SLC22A9: variants seen among roughly 807,000 people sequenced by gnomAD.
SLC22A9 encodes the protein solute carrier family 22 member 9, also known as organic anion transporter 7.
In SLC22A9, 64 loss-of-function variants were observed where a neutral mutation model predicts 50.1. The observed-to-expected ratio is 1.28, with a 90% confidence interval of 1.04 to 1.57. SLC22A9 has a LOEUF of 1.57. SLC22A9 is among the 40% of genes most tolerant of loss of function. SLC22A9 has a pLI of 0.00. For missense variants in SLC22A9, 757 were observed against 676.1 expected (o/e 1.12, Z -1.33); for synonymous variants, 261 against 242.5 (o/e 1.08, Z -0.71).
intron 1 of SLC22A9, 131 bp downstream of exon 1, chr11:63,370,589 C>T (rs765655200): frequency 8.3e-5 from 89 of 1,078,406 alleles, no homozygotes; most frequent in Non-Finnish European, 1.0e-4. Context: ...ATACTAATTG[C>T]TTCTTTATTA....
chr11:63,378,852 T>C (rs771434353), intron 5 of SLC22A9, among the ~76,000 whole-genome samples: 12 of 151,982 alleles, frequency 7.9e-5, no homozygotes, highest in African/African-American at 1.9e-4. Context: ...AAAGCAATGA[T>C]GAAAGAAAGC....
At chr11:63,389,871 A>T (rs2014732653) in intron 6 of SLC22A9, among the ~76,000 whole-genome samples, 1 of 152,156 alleles carries the variant, frequency 6.6e-6, no homozygotes, top group Non-Finnish European at 1.5e-5. Context: ...AATGATCACC[A>T]TTCTAACTGG....
chr11:63,396,369 C>T (rs535774526), intron 6 of SLC22A9, among the ~76,000 whole-genome samples: 68 of 152,308 alleles, frequency 4.5e-4, no homozygotes, highest in Admixed American at 2.4e-3. Flanking sequence ...AGGGCCTTTC[C>T]TGCTGCTTCC....
rs777422212 is a variant in SLC22A9 at position 63,371,153 on chromosome 11, T to A, written c.421T>A (p.Ser141Thr). Residue 141 changes from serine (S) to threonine (T), a missense_variant, in exon 2 of 10, where the codon TCT becomes ACT. By Grantham distance (58) the Ser-to-Thr change is moderately conservative. Coordinates refer to ENST00000279178, the MANE Select transcript of SLC22A9 (RefSeq NM_080866.3). ...IVTEWDLVCD[S>T]QSLTSVAKFV... is the part of the protein sequence containing the mutation. ...CTTCCAGTGGGATCTGGTATGTGACTCTCAATCACTGACTTCAGTGGCTAA... is the reference window on the plus strand; with the variant it reads ...CTTCCAGTGGGATCTGGTATGTGACACTCAATCACTGACTTCAGTGGCTAA... 6.2e-7 allele frequency: 1 copy of A among 1,613,156 alleles called. No homozygotes were observed. The highest frequency in any genetic ancestry group is 8.5e-7 in the Non-Finnish European group (1 of 1,179,340).
chr11:63,395,135 C>T (rs1045528966), intron 6 of SLC22A9, among the ~76,000 whole-genome samples: 2 of 151,582 alleles, frequency 1.3e-5, no homozygotes, highest in African/African-American at 4.9e-5. Context: ...AATATTTCTC[C>T]CTTCACTTCT....
At chr11:63,408,604 C>A (rs2015080808) in intron 8 of SLC22A9, 72 bp from the exon 9 acceptor site, 2 of 1,403,508 alleles carry the variant, frequency 1.4e-6, no homozygotes, top group East Asian at 2.3e-5. Flanking sequence ...ATAATTAGAG[C>A]AAAATGATAA....
At chr11:63,400,313 TAAAA>T (rs1052611774) in intron 6 of SLC22A9, among the ~76,000 whole-genome samples, 4 of 151,794 alleles carry the variant, frequency 2.6e-5, no homozygotes, top group African/African-American at 9.7e-5. Flanking sequence ...AAATTGAAGA[TAAAA>T]AAGAGATATT....
chr11:63,387,507 A>G (rs1394774111), intron 6 of SLC22A9, among the ~76,000 whole-genome samples: 2 of 151,838 alleles, frequency 1.3e-5, no homozygotes, highest in Non-Finnish European at 2.9e-5. Context: ...CTAAGCATAC[A>G]CTGATCTATG....
chr11:63,373,940 G>T lies in SLC22A9; in HGVS notation c.708G>T (p.Leu236Phe), dbSNP rs1287610683. The change falls in exon 4 of 10, where the codon TTG becomes TTT. Residue 236 changes from leucine to phenylalanine, a missense_variant. Leu to Phe is a conservative substitution (Grantham distance 22). Coordinates refer to ENST00000279178, the MANE Select transcript of SLC22A9 (RefSeq NM_080866.3). ...THRFQAMGIT[L>F]GMCPSGIAFM... is the part of the protein sequence containing the mutation. ...GATTCCAGGCCATGGGAATTACATTGGGAATGTGCCCTTCTGGTATTGCAT... is the reference window on the plus strand; with the variant it reads ...GATTCCAGGCCATGGGAATTACATTTGGAATGTGCCCTTCTGGTATTGCAT... The T allele has an allele frequency of 1.2e-6, 2 of 1,613,686 alleles. No individual in the cohort carries two copies. Among genetic ancestry groups the T allele is most frequent in the African/African-American group, 2.7e-5 (2 of 75,026 alleles).
At chr11:63,388,053 T>A (rs2014699662) in intron 6 of SLC22A9, among the ~76,000 whole-genome samples, 1 of 152,124 alleles carries the variant, frequency 6.6e-6, no homozygotes, top group African/African-American at 2.4e-5. Flanking sequence ...ATTTCTTGTT[T>A]CTAATAGCTT....
Position 63,410,171 on chromosome 11 carries a change from G to T in SLC22A9, c.*309G>T, listed in dbSNP as rs7950326. 0.015 allele frequency: 2,638 copies of T among 170,662 alleles called. 81 individuals carry two copies. Among genetic ancestry groups the T allele is most frequent in the African/African-American group, 0.063 (2,511 of 40,164 alleles). 10.6% of individuals were successfully genotyped at this position (170,662 alleles called of 1,614,324 possible). A position where few individuals can be genotyped will look rare whatever the true frequency, so the allele number is the denominator to read the frequency against. ...GCAGGAGAATTACTTGAACCCAGGA[G>T]GTGGAAATTGCAATGAGCCAAGATT... On this transcript the variant is annotated 3_prime_UTR_variant, in exon 10 of 10. Transcript: ENST00000279178.
Position 63,386,619 on chromosome 11 carries a change from T to G in SLC22A9, c.1073+4342T>G, listed in dbSNP as rs188952044. On this transcript the variant is annotated intron_variant, in intron 6 of 9. Transcript: ENST00000279178. ...TTCTAGTTTATTTACATAGAGGTGTTTATTGTATCCTCTGATGGTAGTTTG... is the reference window on the plus strand; with the variant it reads ...TTCTAGTTTATTTACATAGAGGTGTGTATTGTATCCTCTGATGGTAGTTTG... 6.3e-4 allele frequency among the ~76,000 whole-genome samples: 96 copies of G among 151,822 alleles called. 2 individuals are homozygous for G. The East Asian group carries it at 0.012, about 19-fold the overall frequency.
rs80034352 is a variant in SLC22A9 at position 63,373,938 on chromosome 11, T to A, written c.706T>A (p.Leu236Met). Residue 236 changes from leucine to methionine, a missense_variant, in exon 4 of 10, where the codon TTG becomes ATG. By Grantham distance (15) the Leu-to-Met change is conservative. Coordinates refer to ENST00000279178, the MANE Select transcript of SLC22A9 (RefSeq NM_080866.3). ...CAGATTCCAGGCCATGGGAATTACATTGGGAATGTGCCCTTCTGGTATTGC... is the reference window on the plus strand; with the variant it reads ...CAGATTCCAGGCCATGGGAATTACAATGGGAATGTGCCCTTCTGGTATTGC... ...THRFQAMGITLGMCPSGIAFM... is the reference protein window; with the variant it reads ...THRFQAMGITMGMCPSGIAFM... The A allele has an allele frequency of 6.2e-6, 10 of 1,613,574 alleles. No homozygotes were observed. The highest frequency in any genetic ancestry group is 1.1e-5 in the South Asian group (1 of 91,072).
intron 6 of SLC22A9, among the ~76,000 whole-genome samples, chr11:63,385,855 C>A (rs981847505): frequency 5.9e-5 from 9 of 152,116 alleles, no homozygotes; most frequent in Non-Finnish European, 1.3e-4. Context: ...TGAAAGAGGG[C>A]ATCTTTGTCT....
intron 6 of SLC22A9, among the ~76,000 whole-genome samples, chr11:63,391,549 A>G: frequency 1.3e-5 from 2 of 152,128 alleles, no homozygotes; most frequent in Middle Eastern, 6.8e-3. Context: ...TTAGCTCTTA[A>G]TCATTATATA....
At chr11:63,400,298 A>G (rs1230769133) in intron 6 of SLC22A9, among the ~76,000 whole-genome samples, 1 of 152,068 alleles carries the variant, frequency 6.6e-6, no homozygotes. Context: ...AAACAAAAAT[A>G]AATCAAATTG....
At chr11:63,400,139 T>C (rs569815357) in intron 6 of SLC22A9, among the ~76,000 whole-genome samples, 1 of 151,302 alleles carries the variant, frequency 6.6e-6, no homozygotes, top group South Asian at 2.1e-4. Flanking sequence ...CAACAACAAA[T>C]GAAACCCAAA....
intron 6 of SLC22A9, among the ~76,000 whole-genome samples, chr11:63,392,701 T>C (rs2014785099): frequency 6.6e-6 from 1 of 152,054 alleles, no homozygotes; most frequent in Admixed American, 6.6e-5. Flanking sequence ...CTTGAGGAAG[T>C]CTCTTTTTTT....
chr11:63,408,260 A>T (rs2015074749), intron 8 of SLC22A9, 40 bp downstream of exon 8: 1 of 1,498,286 alleles, frequency 6.7e-7, no homozygotes, highest in Non-Finnish European at 9.3e-7. Flanking sequence ...TTCAAAATGG[A>T]CCTTTCTCAG....
Sources: allele counts gnomAD v4.1 joint callset (sites outside exome capture counted in the v4.1 genomes callset), GRCh38; gene constraint gnomAD v4.1.1; transcripts MANE v1.5; gene names NCBI Gene and HGNC (gene_info 2026-07-23, HGNC 2026-07-21).